ESRRB: variants seen among roughly 807,000 people sequenced by gnomAD.
ESRRB encodes the protein estrogen related receptor beta.
Under a neutral mutation model 46.0 loss-of-function variants are expected in ESRRB, and 16 were observed. That is an observed-to-expected ratio of 0.35 (90% CI 0.24 to 0.53). The LOEUF (loss-of-function observed/expected upper bound fraction) is 0.53, where lower values mean the gene tolerates loss of function less well. ESRRB is among the 20% of genes least tolerant of loss of function. The pLI is 0.93. For missense variants in ESRRB, 488 were observed against 607.4 expected (o/e 0.80, Z 2.07); for synonymous variants, 246 against 259.6 (o/e 0.95, Z 0.50).
chr14:76,365,083 G>A (rs535435395), intron 1 of ESRRB, among the ~76,000 whole-genome samples: 4 of 152,264 alleles, frequency 2.6e-5, no homozygotes, highest in South Asian at 2.1e-4. Flanking sequence ...CTCATAGTTC[G>A]GGATTTGTTT....
intron 1 of ESRRB, among the ~76,000 whole-genome samples, chr14:76,362,218 C>T (rs1370650525): frequency 6.6e-6 from 1 of 152,188 alleles, no homozygotes; most frequent in Non-Finnish European, 1.5e-5. Context: ...ACACACACTA[C>T]CCTGCAGCAA....
intron 1 of ESRRB, among the ~76,000 whole-genome samples, chr14:76,345,473 A>G (rs1017378699): frequency 6.6e-6 from 1 of 152,262 alleles, no homozygotes; most frequent in Non-Finnish European, 1.5e-5. Flanking sequence ...GGGAAATGCA[A>G]ATCAAAACCA....
At chr14:76,339,363 A>G (rs1884164119) in intron 1 of ESRRB, among the ~76,000 whole-genome samples, 1 of 152,198 alleles carries the variant, frequency 6.6e-6, no homozygotes, top group Non-Finnish European at 1.5e-5. Context: ...TGTGAGGATG[A>G]AATAAGATAA....
intron 1 of ESRRB, among the ~76,000 whole-genome samples, chr14:76,326,683 G>A (rs1239486005): frequency 1.3e-5 from 2 of 152,206 alleles, no homozygotes; most frequent in East Asian, 3.9e-4. Context: ...GAAGTGGGTA[G>A]AGGGTAGGAA....
intron 3 of ESRRB, among the ~76,000 whole-genome samples, chr14:76,467,269 G>A (rs1307509667): frequency 2.6e-5 from 4 of 151,800 alleles, no homozygotes; most frequent in Non-Finnish European, 5.9e-5. Context: ...GGGAGGCCAA[G>A]GTGGGCAGAT....
intron 3 of ESRRB, among the ~76,000 whole-genome samples, chr14:76,478,438 CTT>C (rs5809760): frequency 0.38 from 57,046 of 151,690 alleles, 10,940 homozygotes; most frequent in Middle Eastern, 0.51. Context: ...ACAGACACCT[CTT>C]TTTATTTTGT....
intron 2 of ESRRB, among the ~76,000 whole-genome samples, chr14:76,441,017 A>G (rs769741847): frequency 1.3e-5 from 2 of 152,142 alleles, no homozygotes; most frequent in Non-Finnish European, 2.9e-5. Flanking sequence ...CGCTGCACTC[A>G]GGCCTGGGCG....
intron 2 of ESRRB, among the ~76,000 whole-genome samples, chr14:76,459,577 C>T (rs79588121): frequency 0.037 from 5,567 of 152,142 alleles, 135 homozygotes; most frequent in Non-Finnish European, 0.06. Context: ...TGGGTGGGAA[C>T]GGGCCAAATC....
In ESRRB at chr14:76,451,725, C is replaced by T. The variant is rs113385541; in HGVS notation, c.461-10820C>T. ...CACTGCAGATTCTCCTGGGTTCAAGCGATTCTTCTGCCTCAGCCTGCCCAG... is the reference window on the plus strand; with the variant it reads ...CACTGCAGATTCTCCTGGGTTCAAGTGATTCTTCTGCCTCAGCCTGCCCAG... On this transcript the variant is annotated intron_variant, in intron 2 of 6. Transcript: ENST00000644823. Among the ~76,000 whole-genome samples the T allele has an allele frequency of 1.4e-3, 218 of 150,496 alleles. 1 individual carries two copies. The East Asian group carries it at 0.022, about 16-fold the overall frequency.
chr14:76,393,628 T>G (rs1363008249), intron 1 of ESRRB, among the ~76,000 whole-genome samples: 3 of 151,828 alleles, frequency 2.0e-5, no homozygotes, highest in Non-Finnish European at 4.4e-5. Flanking sequence ...GGTGCCCAGG[T>G]GGAGAGTGTG....
Position 76,498,645 on chromosome 14 carries a change from A to AGGGG in ESRRB, c.*187_*188insGGGG. On this transcript the variant is annotated 3_prime_UTR_variant, in exon 7 of 7. Transcript: ENST00000644823. ...GGGTGCAGTGGGGTGGGGGACGGGG[A>AGGGG]TGGGGGGGCAGGGGTGTGGGGCTCG... is the stretch of plus-strand genomic sequence containing the variant. 2 of 264,006 alleles carry AGGGG rather than the reference A, an allele frequency of 7.6e-6. No homozygotes were observed. The highest frequency in any genetic ancestry group is 1.5e-5 in the Non-Finnish European group (2 of 133,862). The allele number at this position is 264,006 out of a possible 1,614,324, so 16.4% of individuals were successfully genotyped here.
chr14:76,324,294 G>C (rs1159969098), intron 1 of ESRRB, among the ~76,000 whole-genome samples: 1 of 152,198 alleles, frequency 6.6e-6, no homozygotes, highest in Non-Finnish European at 1.5e-5. Context: ...CATTGGCTGA[G>C]AGCTGCCCCG....
chr14:76,365,312 C>A (rs1457342041), intron 1 of ESRRB, among the ~76,000 whole-genome samples: 1 of 152,142 alleles, frequency 6.6e-6, no homozygotes, highest in East Asian at 1.9e-4. Flanking sequence ...CTTGTCTCTA[C>A]AAAAAAATTT....
chr14:76,460,969 G>T (rs1385692788), intron 2 of ESRRB, among the ~76,000 whole-genome samples: 1 of 152,028 alleles, frequency 6.6e-6, no homozygotes, highest in Non-Finnish European at 1.5e-5. Context: ...GCCTCCCAAA[G>T]TGCTGGATTA....
intron 1 of ESRRB, among the ~76,000 whole-genome samples, chr14:76,315,880 G>A (rs1883794023): frequency 6.6e-6 from 1 of 152,128 alleles, no homozygotes; most frequent in South Asian, 2.1e-4. Context: ...CTGGGCTTTG[G>A]GCATCACTCC....
chr14:76,314,559 C>A (rs905707874), intron 1 of ESRRB, among the ~76,000 whole-genome samples: 2 of 152,074 alleles, frequency 1.3e-5, no homozygotes, highest in Admixed American at 1.3e-4. Flanking sequence ...TTTAGCACAC[C>A]AATTAACATC....
intron 5 of ESRRB, among the ~76,000 whole-genome samples, chr14:76,490,413 A>G (rs1451344367): frequency 2.0e-5 from 3 of 152,066 alleles, no homozygotes; most frequent in African/African-American, 7.3e-5. Context: ...TGCAGTGAGA[A>G]CTTTCATCTC....
At chr14:76,324,178 A>T (rs1022908298) in intron 1 of ESRRB, among the ~76,000 whole-genome samples, 15 of 152,274 alleles carry the variant, frequency 9.9e-5, no homozygotes, top group African/African-American at 3.6e-4. Context: ...AAAGCTGTGG[A>T]CTCAGCCAAG....
chr14:76,500,036 C>T lies in ESRRB; in HGVS notation c.*1578C>T. ...CCCTCAATGAGAGAGGCAGGCAGAT[C>T]TCACCCAGCACTAGGACACCAGGAG... is the stretch of plus-strand genomic sequence containing the variant. On this transcript the variant is annotated 3_prime_UTR_variant, in exon 7 of 7. Transcript: ENST00000644823. The T allele has an allele frequency of 6.4e-7, 1 of 1,555,372 alleles. No homozygotes were observed. Among genetic ancestry groups the T allele is most frequent in the Non-Finnish European group, 8.7e-7 (1 of 1,148,742 alleles).
Sources: gnomAD v4.1 joint callset for allele counts (sites outside exome capture counted in the v4.1 genomes callset) on GRCh38, gnomAD v4.1.1 for gene constraint, MANE v1.5 for transcripts, NCBI Gene and HGNC (gene_info 2026-07-23, HGNC 2026-07-21) for gene names.